Variants in NEDD4L observed in about 807,000 individuals in gnomAD.
NEDD4L encodes NEDD4 like E3 ubiquitin protein ligase.
NEDD4L carries 54 observed loss-of-function variants against 148.9 expected under a neutral mutation model. The observed-to-expected ratio is 0.36, with a 90% CI of 0.29 to 0.45. NEDD4L has a LOEUF of 0.45. NEDD4L is among the 20% of genes least tolerant of loss of function. The pLI, the probability that NEDD4L is intolerant of heterozygous loss-of-function variation, is 1.00. For missense variants in NEDD4L, 856 were observed against 1,233.8 expected (o/e 0.69, Z 4.59); for synonymous variants, 433 against 440.7 (o/e 0.98, Z 0.22).
At chr18:58,376,931 C>T (rs1268597393) in intron 24 of NEDD4L, among the ~76,000 whole-genome samples, 8 of 152,252 alleles carry the variant, frequency 5.3e-5, no homozygotes, top group African/African-American at 1.9e-4. Context: ...AGCATACTCC[C>T]TCCCAGTCTC....
At chr18:58,115,779 A>G (rs1279388793) in intron 1 of NEDD4L, among the ~76,000 whole-genome samples, 1 of 152,226 alleles carries the variant, frequency 6.6e-6, no homozygotes, top group Non-Finnish European at 1.5e-5. Flanking sequence ...TTCCCGGAAT[A>G]TTATTAATAC....
rs1220210598 is a variant in NEDD4L at position 58,400,487 on chromosome 18, A to C, written c.*4218A>C. ...CAGAGTGTTCTCAGTATGTCAGAGA[A>C]AGTGCCACAGCATTAGGACGGGAGC... On this transcript the variant is annotated 3_prime_UTR_variant, in exon 31 of 31. Transcript: ENST00000400345. 2.0e-5 allele frequency: 3 copies of C among 152,178 alleles called. No individual in the cohort carries two copies. 9.4% of individuals were successfully genotyped at this position (152,178 alleles called of 1,614,324 possible).
At chr18:58,343,182 G>A in intron 16 of NEDD4L, 79 bp downstream of exon 16, 1 of 1,196,950 alleles carries the variant, frequency 8.4e-7, no homozygotes, top group Non-Finnish European at 1.1e-6. Flanking sequence ...AGTGTTTGTA[G>A]TTCTTGCAGA....
rs540075860 is a variant in NEDD4L at position 58,342,852 on chromosome 18, G to T, written c.1378-54G>T. On this transcript the variant is annotated intron_variant, in intron 15 of 30. Coordinates refer to ENST00000400345, the MANE Select transcript of NEDD4L (RefSeq NM_001144967.3). ...TTCTGCAATACCCAGGTACATTTTG[G>T]CACATTGGAATCGCACATGCTAAAG... The T allele has an allele frequency of 2.9e-6, 4 of 1,391,622 alleles. No individual in the cohort carries two copies. The East Asian group carries it at 1.1e-4, about 39-fold the overall frequency. 86.2% of individuals were successfully genotyped at this position (1,391,622 alleles called of 1,614,324 possible). A position where few individuals can be genotyped will look rare whatever the true frequency, so the allele number is the denominator to read the frequency against.
At chr18:58,175,830 TC>T (rs1173685467) in intron 2 of NEDD4L, among the ~76,000 whole-genome samples, 1 of 152,208 alleles carries the variant, frequency 6.6e-6, no homozygotes, top group Non-Finnish European at 1.5e-5. Flanking sequence ...TGTGTTTACC[TC>T]CTAGTCTTTA....
At chr18:58,299,000 G>A (rs149780608) in intron 5 of NEDD4L, among the ~76,000 whole-genome samples, 258 of 152,302 alleles carry the variant, frequency 1.7e-3, no homozygotes, top group African/African-American at 5.9e-3. Context: ...TCCCTCGAAT[G>A]TTTGCAGTGA....
chr18:58,296,793 G>A (rs1460630664), intron 5 of NEDD4L, among the ~76,000 whole-genome samples: 4 of 152,188 alleles, frequency 2.6e-5, no homozygotes, highest in African/African-American at 7.2e-5. Context: ...GTGGTGGTAC[G>A]CACCTATAAT....
chr18:58,290,920 A>G (rs1459997902), intron 5 of NEDD4L, among the ~76,000 whole-genome samples: 1 of 152,230 alleles, frequency 6.6e-6, no homozygotes, highest in Non-Finnish European at 1.5e-5. Flanking sequence ...GGCTTAACAC[A>G]TTCCCAAGTT....
In NEDD4L at chr18:58,171,730, T is replaced by C. The variant is rs181528237; in HGVS notation, c.122+5869T>C. 8.3e-4 allele frequency among the ~76,000 whole-genome samples: 126 copies of C among 152,334 alleles called. 1 individual carries two copies. Among genetic ancestry groups the C allele is most frequent in the African/African-American group, 2.8e-3 (118 of 41,574 alleles). On this transcript the variant is annotated intron_variant, in intron 2 of 30. Transcript: ENST00000400345. ...TCATTGTCATGGAGGTCCCATTGGC[T>C]CTTCAAGCATCTCTCCCAAGCATCT...
intron 2 of NEDD4L, among the ~76,000 whole-genome samples, chr18:58,240,152 C>A (rs984673143): frequency 6.6e-6 from 1 of 151,352 alleles, no homozygotes; most frequent in Non-Finnish European, 1.5e-5. Context: ...TGTCTCATAT[C>A]TCTAAGGTGA....
intron 25 of NEDD4L, 46 bp from the exon 26 acceptor site, chr18:58,385,480 T>G (rs1457717773): frequency 6.8e-7 from 1 of 1,469,772 alleles, no homozygotes; most frequent in African/African-American, 1.4e-5. Flanking sequence ...CAGTGAGCAC[T>G]AGTGATGATG....
In NEDD4L at chr18:58,373,061, C is replaced by T. The variant is rs375401738; in HGVS notation, c.2257-113C>T. ...GGAGCAGGAAACATTGCATTAGTAA[C>T]ATATTTCTTGAGCATTCTGCACAGA... On this transcript the variant is annotated intron_variant, in intron 23 of 30. Coordinates refer to ENST00000400345, the MANE Select transcript of NEDD4L (RefSeq NM_001144967.3). 13 of 667,782 alleles carry T rather than the reference C, an allele frequency of 1.9e-5. No individual in the cohort carries two copies. In the East Asian group the frequency reaches 2.5e-4, roughly 13 times the overall value. The allele number at this position is 667,782 out of a possible 1,614,324, so 41.4% of individuals were successfully genotyped here.
At position 58,136,928 on chromosome 18, in the gene NEDD4L, A is replaced by G. The variant is rs571780535; in HGVS notation, c.49-28860A>G. 2.6e-5 allele frequency among the ~76,000 whole-genome samples: 4 copies of G among 152,354 alleles called. No individual in the cohort carries two copies. The South Asian group carries it at 8.3e-4, about 32-fold the overall frequency. ...AGTCTGGTTTTCCTAATTCCAGGAA[A>G]GGAAAATCAAGGAATAGATACATTT... On this transcript the variant is annotated intron_variant, in intron 1 of 30. Transcript: ENST00000400345.
chr18:58,232,166 G>T (rs537519799), intron 2 of NEDD4L, among the ~76,000 whole-genome samples: 1 of 152,194 alleles, frequency 6.6e-6, no homozygotes, highest in Non-Finnish European at 1.5e-5. Flanking sequence ...GTGCTCTGAC[G>T]AGGTGGGGCA....
At chr18:58,348,311 CTTTTTCTTT>C (rs1310183258) in intron 16 of NEDD4L, among the ~76,000 whole-genome samples, 3 of 118,056 alleles carry the variant, frequency 2.5e-5, no homozygotes, top group South Asian at 3.1e-4. Context: ...CACTGCATTT[CTTTTTCTTT>C]TTTTTCTTTT....
At chr18:58,276,507 C>A (rs945239770) in intron 5 of NEDD4L, among the ~76,000 whole-genome samples, 10 of 152,044 alleles carry the variant, frequency 6.6e-5, no homozygotes, top group African/African-American at 2.4e-4. Context: ...CCGTGCCCAG[C>A]CCTAGTGTTC....
intron 2 of NEDD4L, among the ~76,000 whole-genome samples, chr18:58,220,214 A>G (rs1194272982): frequency 6.6e-6 from 1 of 152,182 alleles, no homozygotes; most frequent in Non-Finnish European, 1.5e-5. Context: ...CAGGAGTTCC[A>G]GACCAGCCTT....
At chr18:58,357,775 G>A (rs1013108550) in intron 19 of NEDD4L, among the ~76,000 whole-genome samples, 2 of 152,116 alleles carry the variant, frequency 1.3e-5, no homozygotes, top group Non-Finnish European at 2.9e-5. Context: ...ATGCCGGGTG[G>A]AAAAAGAATC....
intron 2 of NEDD4L, among the ~76,000 whole-genome samples, chr18:58,212,550 G>T (rs1243967952): frequency 2.0e-5 from 3 of 152,142 alleles, no homozygotes; most frequent in Non-Finnish European, 4.4e-5. Context: ...ACCTCCCACC[G>T]GGTCCCTCCC....
Sources: gnomAD v4.1 joint callset for allele counts (sites outside exome capture counted in the v4.1 genomes callset) on GRCh38, gnomAD v4.1.1 for gene constraint, MANE v1.5 for transcripts, NCBI Gene and HGNC (gene_info 2026-07-23, HGNC 2026-07-21) for gene names.